Variants in FARP1 observed in about 807,000 individuals in gnomAD.
FARP1 encodes the protein FERM, ARHGEF and pleckstrin domain-containing protein 1.
Under a neutral mutation model 128.8 loss-of-function variants are expected in FARP1, and 52 were observed. The ratio of observed to expected loss-of-function variants is 0.40; its 90% CI spans 0.32 to 0.51. The LOEUF is 0.51. Among genes scored for constraint, FARP1 ranks in the 20% least tolerant of loss-of-function variants. FARP1 has a pLI of 0.45. For missense variants in FARP1, 1,333 were observed against 1,367.9 expected (o/e 0.97, Z 0.40); for synonymous variants, 580 against 551.8 (o/e 1.05, Z -0.72).
intron 1 of FARP1, among the ~76,000 whole-genome samples, chr13:98,151,863 T>C (rs1876035704): frequency 6.6e-6 from 1 of 151,626 alleles, no homozygotes; most frequent in Admixed American, 6.6e-5. Context: ...GGTTTCATCA[T>C]GTTGGCTAGG....
intron 16 of FARP1, among the ~76,000 whole-genome samples, chr13:98,424,026 T>G (rs556679418): frequency 6.6e-6 from 1 of 152,250 alleles, no homozygotes; most frequent in African/African-American, 2.4e-5. Flanking sequence ...ACTCCCACCT[T>G]AGGTACCATC....
chr13:98,336,573 A>G (rs1319664222), intron 2 of FARP1, among the ~76,000 whole-genome samples: 2 of 152,202 alleles, frequency 1.3e-5, no homozygotes, highest in African/African-American at 4.8e-5. Context: ...TGCCCGGCCT[A>G]GAAATGTTTT....
At chr13:98,410,705 C>T (rs763859590) in intron 14 of FARP1, 29 bp from the exon 15 acceptor site, 20 of 1,225,198 alleles carry the variant, frequency 1.6e-5, no homozygotes, top group Admixed American at 9.0e-5. Context: ...ATGATTATTG[C>T]GCTTTGTTTC....
intron 2 of FARP1, among the ~76,000 whole-genome samples, chr13:98,266,458 G>C (rs1206061644): frequency 6.6e-6 from 1 of 152,080 alleles, no homozygotes; most frequent in East Asian, 1.9e-4. Context: ...GAAGTCCCTG[G>C]GCCCAGCTCA....
chr13:98,351,473 G>A (rs1453690164), intron 3 of FARP1, among the ~76,000 whole-genome samples: 6 of 152,070 alleles, frequency 3.9e-5, no homozygotes, highest in African/African-American at 1.2e-4. Context: ...TTAGCTGGGC[G>A]TGGTGGCAGG....
In FARP1 at chr13:98,452,789, T is replaced by G. The variant is rs1371978049; in HGVS notation, c.*4472T>G. The stretch of plus-strand genomic sequence containing the variant: ...GCGATTCTCCAGCTCCCAGAGGGAG[T>G]TATCAACTTAAAGCAGGATACCTGA... On this transcript the variant is annotated 3_prime_UTR_variant, in exon 27 of 27. Coordinates refer to ENST00000319562, the MANE Select transcript of FARP1 (RefSeq NM_005766.4). The G allele has an allele frequency of 5.5e-6, 1 of 181,314 alleles. No individual in the cohort carries two copies. Among genetic ancestry groups the G allele is most frequent in the East Asian group, 1.5e-4 (1 of 6,818 alleles). 11.2% of individuals were successfully genotyped at this position (181,314 alleles called of 1,614,324 possible).
At chr13:98,150,669 T>C (rs1875932311) in intron 1 of FARP1, among the ~76,000 whole-genome samples, 1 of 152,194 alleles carries the variant, frequency 6.6e-6, no homozygotes, top group Non-Finnish European at 1.5e-5. Flanking sequence ...AAAAGGAGCA[T>C]ATTGCTCCTT....
intron 2 of FARP1, among the ~76,000 whole-genome samples, chr13:98,275,363 G>GAGAT (rs749779602): frequency 7.8e-6 from 1 of 128,538 alleles, no homozygotes; most frequent in Non-Finnish European, 1.7e-5. Flanking sequence ...GAGAGAGAGA[G>GAGAT]AGATAATATT....
intron 2 of FARP1, among the ~76,000 whole-genome samples, chr13:98,224,980 T>A (rs1228458492): frequency 6.6e-6 from 1 of 152,202 alleles, no homozygotes; most frequent in Non-Finnish European, 1.5e-5. Context: ...CAGGCATCAA[T>A]AAGAATACCT....
chr13:98,244,344 CTGGTGT>C, intron 2 of FARP1: 1 of 649,148 alleles, frequency 1.5e-6, no homozygotes, highest in Non-Finnish European at 2.6e-6. Context: ...TAAGTATAGG[CTGGTGT>C]TACCATCACC....
chr13:98,268,582 G>A (rs139900697), intron 2 of FARP1, among the ~76,000 whole-genome samples: 45 of 152,136 alleles, frequency 3.0e-4, no homozygotes, highest in African/African-American at 1.0e-3. Flanking sequence ...ATTCTCCTGC[G>A]TCAGCCTCCT....
intron 2 of FARP1, among the ~76,000 whole-genome samples, chr13:98,261,813 G>A (rs988463963): frequency 3.9e-5 from 6 of 152,116 alleles, no homozygotes; most frequent in African/African-American, 1.4e-4. Context: ...CTAATAGAGC[G>A]AGAACTCACT....
chr13:98,160,744 A>G (rs1413706463), intron 1 of FARP1, among the ~76,000 whole-genome samples: 2 of 151,930 alleles, frequency 1.3e-5, no homozygotes, highest in Non-Finnish European at 2.9e-5. Context: ...GCTCACTGCA[A>G]CCTCCACTTC....
intron 13 of FARP1, chr13:98,395,723 G>A (rs765400283): frequency 6.9e-6 from 3 of 433,710 alleles, no homozygotes; most frequent in African/African-American, 4.0e-5. Flanking sequence ...AAGTCCTCCC[G>A]GCCTCCTTCC....
chr13:98,307,110 G>T (rs548724415), intron 2 of FARP1, among the ~76,000 whole-genome samples: 2 of 152,170 alleles, frequency 1.3e-5, no homozygotes, highest in African/African-American at 4.8e-5. Context: ...CTCTTGACTC[G>T]CATGCTGTTT....
chr13:98,152,699 G>C (rs1376462340), intron 1 of FARP1, among the ~76,000 whole-genome samples: 1 of 152,126 alleles, frequency 6.6e-6, no homozygotes, highest in African/African-American at 2.4e-5. Context: ...TTAATTGGGA[G>C]ATTTTATCTT....
chr13:98,181,479 A>G (rs1878507153), intron 1 of FARP1, among the ~76,000 whole-genome samples: 1 of 152,148 alleles, frequency 6.6e-6, no homozygotes, highest in Non-Finnish European at 1.5e-5. Context: ...ATTGTTCTTT[A>G]TTATTAAAAA....
At chr13:98,278,440 ATGTG>A (rs538500375) in intron 2 of FARP1, among the ~76,000 whole-genome samples, 61 of 151,992 alleles carry the variant, frequency 4.0e-4, no homozygotes, top group African/African-American at 1.4e-3. Context: ...ATGTGTGAGA[ATGTG>A]TGTGAGACAG....
chr13:98,237,607 C>T (rs777351011), intron 2 of FARP1, among the ~76,000 whole-genome samples: 37 of 152,136 alleles, frequency 2.4e-4, no homozygotes, highest in Non-Finnish European at 4.0e-4. Flanking sequence ...GTGGTTCTTG[C>T]GTATTTTTTC....
Sources: gnomAD v4.1 joint callset for allele counts (sites outside exome capture counted in the v4.1 genomes callset) on GRCh38, gnomAD v4.1.1 for gene constraint, MANE v1.5 for transcripts, NCBI Gene and HGNC (gene_info 2026-07-23, HGNC 2026-07-21) for gene names.